CENPF: variants seen among roughly 807,000 people sequenced by gnomAD.
CENPF encodes AH antigen.
Under a neutral mutation model 307.3 loss-of-function variants are expected in CENPF, and 214 were observed. That is an observed-to-expected ratio of 0.70 (90% CI 0.62 to 0.78). The LOEUF is 0.78. Ranked by LOEUF, CENPF falls within the 30% of genes least tolerant of loss-of-function variation. The pLI is 0.00. For missense variants in CENPF, 3,401 were observed against 3,483.9 expected (o/e 0.98, Z 0.60); for synonymous variants, 1,259 against 1,270.6 (o/e 0.99, Z 0.19).
chr1:214,620,716 C>A lies in CENPF; in HGVS notation c.635C>A (p.Ala212Asp), dbSNP rs141892982. Reference protein sequence around the residue: ...MNHRDIARHQASSSVFSWQQE... With the variant: ...MNHRDIARHQDSSSVFSWQQE... The stretch of plus-strand genomic sequence containing the variant: ...CACCGCGACATTGCCCGGCATCAGG[C>A]TTCATCATCTGTGTTCTCATGGCAG... The change falls in exon 6 of 20, where the codon GCT (alanine) becomes GAT (aspartate). Residue 212 changes from alanine (A) to aspartate (D), a missense_variant. Coordinates refer to ENST00000366955, the MANE Select transcript of CENPF (RefSeq NM_016343.4). The A allele has an allele frequency of 4.9e-4, 791 of 1,614,170 alleles. 2 individuals carry two copies. The highest frequency in any genetic ancestry group is 2.3e-3 in the Middle Eastern group (14 of 6,060).
chr1:214,656,151 G>T (rs1236879576), intron 17 of CENPF, among the ~76,000 whole-genome samples: 5 of 152,162 alleles, frequency 3.3e-5, no homozygotes, highest in African/African-American at 4.8e-5. Flanking sequence ...TTTTAGTTGT[G>T]CAGGCAAAAT....
Position 214,655,242 on chromosome 1 carries a change from T to C in CENPF, c.8324T>C (p.Met2775Thr). The C allele has an allele frequency of 1.9e-6, 3 of 1,571,046 alleles. No individual in the cohort carries two copies. The highest frequency in any genetic ancestry group is 2.6e-6 in the Non-Finnish European group (3 of 1,161,152). ...QILEELKKTKMDNLKYVNQLK... is the reference protein window; with the variant it reads ...QILEELKKTKTDNLKYVNQLK... ...AATGGAATTACTTTTATTTTGTAGATGGACAATCTAAAATATGTAAATCAG... is the reference window on the plus strand; with the variant it reads ...AATGGAATTACTTTTATTTTGTAGACGGACAATCTAAAATATGTAAATCAG... Residue 2775 changes from methionine (M) to threonine (T), a missense_variant and splice_region_variant, in exon 17 of 20, where the codon ATG becomes ACG. Physicochemically the swap from Met to Thr is moderately conservative, Grantham distance 81 (BLOSUM62 -1). Coordinates refer to ENST00000366955, the MANE Select transcript of CENPF (RefSeq NM_016343.4).
At chr1:214,648,075 C>A in intron 13 of CENPF, 1 of 402,274 alleles carries the variant, frequency 2.5e-6, no homozygotes, top group Non-Finnish European at 5.0e-6. Context: ...TTTTGTCACA[C>A]TTAATTCTTG....
intron 15 of CENPF, among the ~76,000 whole-genome samples, chr1:214,652,294 C>T (rs1658501183): frequency 1.3e-5 from 2 of 151,956 alleles, no homozygotes; most frequent in Admixed American, 6.5e-5. Context: ...CTTGGCCTCC[C>T]AAAGTGCTGG....
chr1:214,641,932 TAAAG>T lies in CENPF; in HGVS notation c.3598_3601del (p.Glu1200PhefsTer3). On this transcript the variant is annotated frameshift_variant, in exon 12 of 20. Transcript: ENST00000366955. LOFTEE classifies it high-confidence loss of function. ...TTAAACCTCAGATGGATCTTGAAGT[TAAAG>T]AAATTTCTCTAGATAGTTATAATGC... The T allele has an allele frequency of 6.3e-7, 1 of 1,588,008 alleles. No homozygotes were observed.
chr1:214,644,780 A>C lies in CENPF; in HGVS notation c.5210A>C (p.Asp1737Ala). The change falls in exon 13 of 20, where the codon GAT (aspartate) becomes GCT (alanine). Residue 1737 changes from aspartate (D) to alanine (A), a missense_variant. By Grantham distance (126) the Asp-to-Ala change is moderately radical. Coordinates refer to ENST00000366955, the MANE Select transcript of CENPF (RefSeq NM_016343.4). Reference protein sequence around the residue: ...PDTNYEPPGEDKTQGSSECIS... With the variant: ...PDTNYEPPGEAKTQGSSECIS... ...ACCAATTATGAGCCTCCAGGGGAAG[A>C]TAAAACCCAGGGCTCTTCAGAATGC... 1 of 1,613,936 alleles carries C rather than the reference A, an allele frequency of 6.2e-7. No individual in the cohort carries two copies. The highest frequency in any genetic ancestry group is 8.5e-7 in the Non-Finnish European group (1 of 1,179,926).
Position 214,646,077 on chromosome 1 carries a change from C to T in CENPF, c.6507C>T (p.Asn2169=), listed in dbSNP as rs149961822. The T allele has an allele frequency of 2.8e-5, 45 of 1,613,914 alleles. No individual in the cohort carries two copies. In the African/African-American group the frequency reaches 4.5e-4, roughly 16 times the overall value. Residue 2169 remains asparagine (N), a synonymous_variant, in exon 13 of 20, where the codon AAC becomes AAT. Transcript: ENST00000366955. ...GGGAATTGCAGATGTCAGAAGAAAACCAGGAGCTAGTGATTCTTGATGCCG... is the reference window on the plus strand; with the variant it reads ...GGGAATTGCAGATGTCAGAAGAAAATCAGGAGCTAGTGATTCTTGATGCCG... ...LERELQMSEE[N]QELVILDAEN...
rs1341283231 is a variant in CENPF, at chr1:214,648,674, G to T, written c.7831-1G>T. The T allele has an allele frequency of 6.2e-7, 1 of 1,611,378 alleles. No individual in the cohort carries two copies. Among genetic ancestry groups the T allele is most frequent in the Non-Finnish European group, 8.5e-7 (1 of 1,179,296 alleles). ...GATTCTAATGAAAGATGAAATTTCAGGTAAACAAAATGACTGCAAAGGAAA... is the reference window on the plus strand; with the variant it reads ...GATTCTAATGAAAGATGAAATTTCATGTAAACAAAATGACTGCAAAGGAAA... On this transcript the variant is annotated splice_acceptor_variant, in intron 13 of 19. Coordinates refer to ENST00000366955, the MANE Select transcript of CENPF (RefSeq NM_016343.4). LOFTEE classifies it high-confidence loss of function.
chr1:214,639,603 C>A (rs958384512), intron 11 of CENPF, among the ~76,000 whole-genome samples: 2 of 152,102 alleles, frequency 1.3e-5, no homozygotes, highest in Admixed American at 6.5e-5. Flanking sequence ...CATATGTAAA[C>A]ACATACAAAG....
chr1:214,652,979 A>G lies in CENPF; in HGVS notation c.8312A>G (p.Lys2771Arg), dbSNP rs1183201807. ...KATTQILEEL[K>R]KTKMDNLKYV... ...ACTACTCAGATTTTGGAAGAATTGA[A>G]GAAAACCAAGGTATGTTCACTTTAA... Residue 2771 changes from lysine to arginine, a missense_variant, in exon 16 of 20, where the codon AAG becomes AGG. Coordinates refer to ENST00000366955, the MANE Select transcript of CENPF (RefSeq NM_016343.4). 3.7e-6 allele frequency: 6 copies of G among 1,603,884 alleles called. No homozygotes were observed. The highest frequency in any genetic ancestry group is 1.3e-5 in the African/African-American group (1 of 74,210).
chr1:214,658,442 C>T (rs553108701), intron 18 of CENPF, among the ~76,000 whole-genome samples: 1 of 152,092 alleles, frequency 6.6e-6, no homozygotes, highest in South Asian at 2.1e-4. Flanking sequence ...CCCCCTTTCC[C>T]TTTCTTTTTT....
At position 214,641,584 on chromosome 1, in the gene CENPF, C is replaced by G. The variant is rs1230628089; in HGVS notation, c.3246C>G (p.His1082Gln). The G allele has an allele frequency of 2.6e-6, 4 of 1,540,552 alleles. No homozygotes were observed. The East Asian group carries it at 9.1e-5, about 35-fold the overall frequency. The stretch of plus-strand genomic sequence containing the variant: ...TAAAGGAAGCATTTGCAAAGGAACA[C>G]CAAGAATTCTTAACAAAATTAGCAT... ...EQLKEAFAKEHQEFLTKLAFA... is the reference protein window; with the variant it reads ...EQLKEAFAKEQQEFLTKLAFA... Residue 1082 changes from histidine (H) to glutamine (Q), a missense_variant, in exon 12 of 20, where the codon CAC (histidine) becomes CAG (glutamine). His to Gln is a conservative substitution (Grantham distance 24, BLOSUM62 0). Transcript: ENST00000366955.
At chr1:214,662,390 G>A (rs752364454) in intron 19 of CENPF, among the ~76,000 whole-genome samples, 1 of 152,204 alleles carries the variant, frequency 6.6e-6, no homozygotes, top group Non-Finnish European at 1.5e-5. Context: ...AGGGAGAAGT[G>A]AGCTTTCCTG....
chr1:214,633,200 G>A (rs543301160), intron 10 of CENPF, among the ~76,000 whole-genome samples: 6 of 152,302 alleles, frequency 3.9e-5, no homozygotes, highest in Admixed American at 3.3e-4. Flanking sequence ...CCTGGTTGAC[G>A]GTGTCTTTGG....
intron 9 of CENPF, 31 bp downstream of exon 9, chr1:214,630,693 A>G: frequency 6.2e-7 from 1 of 1,611,288 alleles, no homozygotes. Context: ...TCTCTCCTTA[A>G]TCATCCCCTC....
At position 214,645,403 on chromosome 1, in the gene CENPF, G is replaced by T. The variant is rs769077502; in HGVS notation, c.5833G>T (p.Val1945Phe). ...AAAAGACAATGAAAATAAGCAGAAG[G>T]TTATTGTCTGCCTTGAAGAAGAACT... ...LEKDNENKQK[V>F]IVCLEEELSV... Residue 1945 changes from valine (V) to phenylalanine (F), a missense_variant, in exon 13 of 20, where the codon GTT becomes TTT. Transcript: ENST00000366955. 11 of 1,613,912 alleles carry T rather than the reference G, an allele frequency of 6.8e-6. No homozygotes were observed. Among genetic ancestry groups the T allele is most frequent in the Non-Finnish European group, 9.3e-6 (11 of 1,179,942 alleles).
rs1657244158 is a variant in CENPF at position 214,613,220 on chromosome 1, T to A, written c.-41-494T>A. The A allele has an allele frequency of 1.2e-5, 3 of 241,262 alleles. No individual in the cohort carries two copies. The South Asian group carries it at 1.9e-4, about 16-fold the overall frequency. 14.9% of individuals were successfully genotyped at this position (241,262 alleles called of 1,614,324 possible). A position where few individuals can be genotyped will look rare whatever the true frequency, so the allele number is the denominator to read the frequency against. ...TATTTTAAGGCTGTATACTTGATTT[T>A]CGTAAATCATTCTTGGAGGCCCAAT... On this transcript the variant is annotated intron_variant, in intron 1 of 19. Coordinates refer to ENST00000366955, the MANE Select transcript of CENPF (RefSeq NM_016343.4).
chr1:214,605,751 C>T (rs1657008335), intron 1 of CENPF: 2 of 1,594,194 alleles, frequency 1.3e-6, no homozygotes, highest in Admixed American at 1.7e-5. Context: ...AGCTCGATGT[C>T]GTTGTGCCTG....
At chr1:214,618,470 G>A (rs1657416842) in intron 3 of CENPF, 103 bp from the exon 4 acceptor site, 1 of 1,322,212 alleles carries the variant, frequency 7.6e-7, no homozygotes, top group South Asian at 1.5e-5. Context: ...CTTAGTGGAT[G>A]GGTTTCTTTG....
Sources: gnomAD v4.1 joint callset for allele counts (sites outside exome capture counted in the v4.1 genomes callset) on GRCh38, gnomAD v4.1.1 for gene constraint, MANE v1.5 for transcripts, NCBI Gene and HGNC (gene_info 2026-07-23, HGNC 2026-07-21) for gene names.